LRRC4C: variants seen among roughly 807,000 people sequenced by gnomAD.
LRRC4C encodes the protein leucine-rich repeat-containing protein 4C.
A neutral mutation model predicts 33.6 loss-of-function variants in LRRC4C; 5 were observed. The ratio of observed to expected loss-of-function variants is 0.15; its 90% CI spans 0.08 to 0.31. The LOEUF (loss-of-function observed/expected upper bound fraction) is 0.31. Ranked by LOEUF, LRRC4C falls within the 10% of genes least tolerant of loss-of-function variation. The probability of loss-of-function intolerance (pLI) is 1.00; values close to 1 mark genes in which losing one functional copy is unlikely to be tolerated. For synonymous variants in LRRC4C, 329 were observed against 302.0 expected, an observed-to-expected ratio of 1.09 and a Z score of -0.93; for missense variants, 560 against 796.7, an observed-to-expected ratio of 0.70 and a Z score of 3.58.
intron 1 of LRRC4C, among the ~76,000 whole-genome samples, chr11:41,006,642 C>G (rs1428475699): frequency 6.6e-6 from 1 of 151,626 alleles, no homozygotes; most frequent in Non-Finnish European, 1.5e-5. Flanking sequence ...GAAATATTGT[C>G]CCATGTAACA....
chr11:41,303,007 T>C (rs1331361197), intron 1 of LRRC4C, among the ~76,000 whole-genome samples: 1 of 152,230 alleles, frequency 6.6e-6, no homozygotes, highest in East Asian at 1.9e-4. Flanking sequence ...GTCCTGTCTT[T>C]ATTAAAATGT....
At chr11:41,297,466 G>T (rs184835697) in intron 1 of LRRC4C, among the ~76,000 whole-genome samples, 13 of 152,208 alleles carry the variant, frequency 8.5e-5, no homozygotes, top group African/African-American at 3.1e-4. Context: ...ATCAGTGTTT[G>T]CTAAGAATAA....
chr11:41,409,360 G>A (rs919232523), intron 1 of LRRC4C, among the ~76,000 whole-genome samples: 2 of 152,180 alleles, frequency 1.3e-5, no homozygotes, highest in African/African-American at 2.4e-5. Context: ...TCTAACTGAA[G>A]GGAGGATGAC....
chr11:40,611,336 C>G (rs912745009), intron 3 of LRRC4C, among the ~76,000 whole-genome samples: 2 of 151,718 alleles, frequency 1.3e-5, no homozygotes, highest in East Asian at 3.9e-4. Context: ...GAAAATGGAC[C>G]CCTGACTTAC....
rs573974407 is a variant in LRRC4C, at chr11:41,164,130, C to T, written c.-495-230407G>A. Among the ~76,000 whole-genome samples, 25 of 151,286 alleles carry T rather than the reference C, an allele frequency of 1.7e-4. 1 individual carries two copies. In the South Asian group the frequency reaches 5.0e-3, roughly 30 times the overall value. On this transcript the variant is annotated intron_variant, in intron 1 of 6. Coordinates refer to ENST00000528697, the MANE Select transcript of LRRC4C (RefSeq NM_001258419.2). ...ATTTTAAAATAAACCCACAGTTTCA[C>T]TGTACAAAGAATATTTTATTTAAAT...
At position 40,775,327 on chromosome 11, in the gene LRRC4C, G is replaced by A. The variant is rs532908951; in HGVS notation, c.-406-127049C>T. 5.9e-5 allele frequency among the ~76,000 whole-genome samples: 9 copies of A among 152,044 alleles called. No individual in the cohort carries two copies. In the South Asian group the frequency reaches 6.2e-4, roughly 10 times the overall value. ...TGGGAGGCTGAGGCAGGGGAATGGC[G>A]TGAACCCGGGAGGCGGAGCTTGCAG... On this transcript the variant is annotated intron_variant, in intron 2 of 6. Coordinates refer to ENST00000528697, the MANE Select transcript of LRRC4C (RefSeq NM_001258419.2).
intron 3 of LRRC4C, among the ~76,000 whole-genome samples, chr11:40,349,937 T>C (rs1437595214): frequency 6.6e-6 from 1 of 152,112 alleles, no homozygotes; most frequent in African/African-American, 2.4e-5. Flanking sequence ...AAAATCAGAT[T>C]ATAAGATTTT....
intron 3 of LRRC4C, among the ~76,000 whole-genome samples, chr11:40,482,943 A>G (rs1479971624): frequency 6.6e-6 from 1 of 152,232 alleles, no homozygotes; most frequent in Non-Finnish European, 1.5e-5. Flanking sequence ...CCAAACACTT[A>G]GTAAACTTTT....
intron 1 of LRRC4C, among the ~76,000 whole-genome samples, chr11:41,049,874 C>T (rs1463088733): frequency 6.6e-6 from 1 of 152,086 alleles, no homozygotes; most frequent in African/African-American, 2.4e-5. Context: ...CTTTGTCTTG[C>T]TAGTCTGCTT....
At chr11:40,281,775 A>G (rs1369053758) in intron 4 of LRRC4C, among the ~76,000 whole-genome samples, 1 of 152,234 alleles carries the variant, frequency 6.6e-6, no homozygotes, top group Non-Finnish European at 1.5e-5. Flanking sequence ...TGTTCTAGGC[A>G]GGACCACATC....
chr11:40,465,419 G>A (rs1400240069), intron 3 of LRRC4C, among the ~76,000 whole-genome samples: 1 of 151,816 alleles, frequency 6.6e-6, no homozygotes, highest in Non-Finnish European at 1.5e-5. Context: ...TCATGACTTA[G>A]ACCCTAAAAG....
At chr11:41,007,926 A>G (rs1340913247) in intron 1 of LRRC4C, among the ~76,000 whole-genome samples, 1 of 152,092 alleles carries the variant, frequency 6.6e-6, no homozygotes, top group African/African-American at 2.4e-5. Context: ...AATTAGCAGC[A>G]CTATCCATCT....
At chr11:40,275,691 T>C (rs1419346573) in intron 4 of LRRC4C, among the ~76,000 whole-genome samples, 4 of 152,192 alleles carry the variant, frequency 2.6e-5, no homozygotes, top group Non-Finnish European at 4.4e-5. Flanking sequence ...GAAGGTTGGC[T>C]GGCCCCAAGT....
chr11:41,282,916 C>T (rs886157189), intron 1 of LRRC4C, among the ~76,000 whole-genome samples: 1 of 151,984 alleles, frequency 6.6e-6, no homozygotes, highest in South Asian at 2.1e-4. Flanking sequence ...ATTCTTTTAT[C>T]AAAACAGGCT....
intron 3 of LRRC4C, among the ~76,000 whole-genome samples, chr11:40,513,098 A>G (rs1286921176): frequency 6.6e-6 from 1 of 151,962 alleles, no homozygotes; most frequent in African/African-American, 2.4e-5. Flanking sequence ...AAATACAAAA[A>G]ATTAGCCAGG....
chr11:41,015,040 A>C (rs1855480552), intron 1 of LRRC4C, among the ~76,000 whole-genome samples: 1 of 152,186 alleles, frequency 6.6e-6, no homozygotes, highest in African/African-American at 2.4e-5. Context: ...CTAAATGTGC[A>C]CTGTCATGCA....
Position 40,412,266 on chromosome 11 carries a change from T to C in LRRC4C, c.-269-92545A>G, listed in dbSNP as rs1950182349. On this transcript the variant is annotated intron_variant, in intron 3 of 6. Coordinates refer to ENST00000528697, the MANE Select transcript of LRRC4C (RefSeq NM_001258419.2). ...GCTTTATTGTAAACAATTCCTTTTC[T>C]CTAAGGAATAGAAATTACAAAAGGA... 2.0e-5 allele frequency among the ~76,000 whole-genome samples: 3 copies of C among 152,182 alleles called. No homozygotes were observed. In the South Asian group the frequency reaches 6.2e-4, roughly 32 times the overall value.
At chr11:41,405,605 T>A (rs1033700813) in intron 1 of LRRC4C, among the ~76,000 whole-genome samples, 1 of 152,140 alleles carries the variant, frequency 6.6e-6, no homozygotes, top group South Asian at 2.1e-4. Context: ...TACTTTCTTC[T>A]GATCAAAAAC....
intron 5 of LRRC4C, among the ~76,000 whole-genome samples, chr11:40,143,553 C>A (rs1176606245): frequency 6.6e-6 from 1 of 152,088 alleles, no homozygotes; most frequent in Non-Finnish European, 1.5e-5. Context: ...ATGCCCTTCA[C>A]CCAGACAGAC....
Sources: allele counts gnomAD v4.1 joint callset (sites outside exome capture counted in the v4.1 genomes callset), GRCh38; gene constraint gnomAD v4.1.1; transcripts MANE v1.5; gene names NCBI Gene and HGNC (gene_info 2026-07-23, HGNC 2026-07-21).